EEA1: variants seen among roughly 807,000 people sequenced by gnomAD.
EEA1 encodes early endosome antigen 1, also known as early endosome antigen 1, 162kD.
A neutral mutation model predicts 209.2 loss-of-function variants in EEA1; 111 were observed. The observed-to-expected ratio is 0.53, with a 90% CI of 0.45 to 0.62. The LOEUF (loss-of-function observed/expected upper bound fraction) is 0.62, where lower values mean the gene tolerates loss of function less well. EEA1 is among the 20% of genes least tolerant of loss of function. The pLI is 0.00. For synonymous variants in EEA1, 536 were observed against 540.6 expected, an observed-to-expected ratio of 0.99 and a Z score of 0.12; for missense variants, 1,343 against 1,530.8, an observed-to-expected ratio of 0.88 and a Z score of 2.05.
intron 11 of EEA1, among the ~76,000 whole-genome samples, chr12:92,830,642 T>C (rs776867414): frequency 1.3e-5 from 2 of 151,914 alleles, no homozygotes; most frequent in Non-Finnish European, 2.9e-5. Flanking sequence ...AGCACACATG[T>C]AGGAAAAAAC....
intron 14 of EEA1, among the ~76,000 whole-genome samples, chr12:92,818,755 AATGT>A (rs1875913113): frequency 6.6e-6 from 1 of 152,166 alleles, no homozygotes; most frequent in Non-Finnish European, 1.5e-5. Context: ...TTTGTTTGAA[AATGT>A]ATTTATCTAA....
chr12:92,876,691 A>G (rs1404084754), intron 2 of EEA1, among the ~76,000 whole-genome samples: 2 of 152,140 alleles, frequency 1.3e-5, no homozygotes, highest in Non-Finnish European at 2.9e-5. Flanking sequence ...TGAGGTACAG[A>G]GATTAGCTTA....
intron 2 of EEA1, among the ~76,000 whole-genome samples, chr12:92,866,723 A>G (rs918779136): frequency 6.6e-6 from 1 of 152,140 alleles, no homozygotes; most frequent in Non-Finnish European, 1.5e-5. Flanking sequence ...ATTCTTCTGG[A>G]TCTTTAACAA....
chr12:92,823,122 T>C (rs1312579677), intron 13 of EEA1, among the ~76,000 whole-genome samples: 2 of 152,218 alleles, frequency 1.3e-5, no homozygotes. Flanking sequence ...CATATATTAG[T>C]CTTTTAACTC....
intron 11 of EEA1, among the ~76,000 whole-genome samples, chr12:92,829,267 A>G (rs1385035447): frequency 6.6e-6 from 1 of 152,150 alleles, no homozygotes; most frequent in Non-Finnish European, 1.5e-5. Flanking sequence ...AAATCTCGCC[A>G]CTGCACTCCA....
At chr12:92,896,753 A>G (rs1699130893) in intron 1 of EEA1, among the ~76,000 whole-genome samples, 1 of 151,920 alleles carries the variant, frequency 6.6e-6, no homozygotes, top group Non-Finnish European at 1.5e-5. Flanking sequence ...GTGAGCCAAG[A>G]TCGCACCACT....
intron 27 of EEA1, among the ~76,000 whole-genome samples, chr12:92,777,192 T>C (rs1201980505): frequency 6.6e-6 from 1 of 151,944 alleles, no homozygotes; most frequent in Non-Finnish European, 1.5e-5. Flanking sequence ...TGATTTCCAA[T>C]CCATTCTAAA....
chr12:92,901,288 G>A (rs180919791), intron 1 of EEA1, among the ~76,000 whole-genome samples: 31 of 151,164 alleles, frequency 2.1e-4, no homozygotes, highest in Non-Finnish European at 3.5e-4. Flanking sequence ...ATGGGCTCCA[G>A]TGATTCTCCT....
chr12:92,861,143 A>G (rs1470296723), intron 3 of EEA1, among the ~76,000 whole-genome samples: 1 of 152,196 alleles, frequency 6.6e-6, no homozygotes, highest in African/African-American at 2.4e-5. Flanking sequence ...AGATTTCATG[A>G]GAAAACATCA....
intron 2 of EEA1, among the ~76,000 whole-genome samples, chr12:92,869,567 A>G (rs554147991): frequency 6.6e-6 from 1 of 151,266 alleles, no homozygotes; most frequent in African/African-American, 2.4e-5. Context: ...AACATGGTGA[A>G]ACCCCATCTC....
intron 9 of EEA1, among the ~76,000 whole-genome samples, chr12:92,848,722 CTTTTTTTTT>C (rs71069184): frequency 3.1e-4 from 20 of 64,574 alleles, no homozygotes; most frequent in African/African-American, 6.7e-4. Flanking sequence ...ATATTCTCAC[CTTTTTTTTT>C]TTTTTTTTTT....
chr12:92,884,361 G>A, intron 2 of EEA1: 1 of 1,253,564 alleles, frequency 8.0e-7, no homozygotes, highest in Non-Finnish European at 1.2e-6. Flanking sequence ...GGCTGAAGTG[G>A]TTCTAGAAAC....
At chr12:92,789,831 G>T (rs1373252179) in intron 21 of EEA1, among the ~76,000 whole-genome samples, 1 of 152,234 alleles carries the variant, frequency 6.6e-6, no homozygotes, top group Non-Finnish European at 1.5e-5. Context: ...GTGGGTCCCT[G>T]ACCCCTGAGT....
At chr12:92,908,647 A>C (rs1412279542) in intron 1 of EEA1, among the ~76,000 whole-genome samples, 6 of 152,158 alleles carry the variant, frequency 3.9e-5, no homozygotes, top group Admixed American at 3.9e-4. Context: ...TTAATTCAAT[A>C]ATCTTAGCCA....
intron 14 of EEA1, among the ~76,000 whole-genome samples, chr12:92,818,853 CAA>C (rs749428932): frequency 3.9e-5 from 6 of 152,052 alleles, no homozygotes; most frequent in Admixed American, 2.0e-4. Context: ...ATACATGATG[CAA>C]AGACATATAC....
chr12:92,917,586 T>G (rs1004605450), intron 1 of EEA1, among the ~76,000 whole-genome samples: 1 of 151,654 alleles, frequency 6.6e-6, no homozygotes, highest in African/African-American at 2.4e-5. Context: ...AAAGAGCTCC[T>G]GAAGGAAGCG....
intron 1 of EEA1, among the ~76,000 whole-genome samples, chr12:92,908,474 T>A (rs984796171): frequency 3.3e-5 from 5 of 152,128 alleles, no homozygotes; most frequent in South Asian, 2.1e-4. Context: ...TGTCATAATT[T>A]AAAAAAAATT....
chr12:92,887,204 G>C (rs1395213924), intron 2 of EEA1, among the ~76,000 whole-genome samples: 1 of 149,970 alleles, frequency 6.7e-6, no homozygotes, highest in African/African-American at 2.5e-5. Context: ...ATATAAAACA[G>C]GCCAGGCACA....
intron 2 of EEA1, among the ~76,000 whole-genome samples, chr12:92,888,921 A>G (rs747363723): frequency 6.6e-6 from 1 of 152,118 alleles, no homozygotes; most frequent in Non-Finnish European, 1.5e-5. Context: ...AGGCCAAGGC[A>G]GATGGATCAC....
Sources: allele counts gnomAD v4.1 joint callset (sites outside exome capture counted in the v4.1 genomes callset), GRCh38; gene constraint gnomAD v4.1.1; transcripts MANE v1.5; gene names NCBI Gene and HGNC (gene_info 2026-07-23, HGNC 2026-07-21).